The following PHIP variants were observed in gnomAD, a reference collection of about 807,000 sequenced individuals.
PHIP encodes the protein PHIP subunit of CUL4-Ring ligase complex, also known as PH-interacting protein.
PHIP carries 54 observed loss-of-function variants against 236.8 expected under a neutral mutation model. The observed-to-expected ratio is 0.23, with a 90% CI of 0.18 to 0.29. The LOEUF (loss-of-function observed/expected upper bound fraction) is 0.29. Among genes scored for constraint, PHIP ranks in the 10% least tolerant of loss-of-function variants. The probability of loss-of-function intolerance (pLI) is 1.00; values close to 1 mark genes in which losing one functional copy is unlikely to be tolerated. For synonymous variants in PHIP, 756 were observed against 718.9 expected, an observed-to-expected ratio of 1.05 and a Z score of -0.83; for missense variants, 1,370 against 2,190.8, an observed-to-expected ratio of 0.63 and a Z score of 7.48.
intron 15 of PHIP, among the ~76,000 whole-genome samples, chr6:79,004,760 A>C (rs1302751569): frequency 1.3e-5 from 2 of 152,084 alleles, no homozygotes; most frequent in Admixed American, 6.6e-5. Context: ...ATTGAGCTTT[A>C]TTAGTAATAT....
Position 78,955,242 on chromosome 6 carries a change from C to G in PHIP, c.3893G>C (p.Arg1298Pro). The change falls in exon 34 of 40, where the codon CGA becomes CCA. Residue 1298 changes from arginine to proline, a missense_variant. This residue lies in a region of PHIP where 125 missense variants were observed against 235.1 expected (regional missense o/e 0.53). Transcript: ENST00000275034. ...KDADVPGTSTRKRKDHQPRRR... is the reference protein window; with the variant it reads ...KDADVPGTSTPKRKDHQPRRR... ...CTAAAACTATATTACCTTCCTTTTT[C>G]GAGTAGAAGTTCCTGGCACATCAGC... 1 of 1,605,936 alleles carries G rather than the reference C, an allele frequency of 6.2e-7. No individual in the cohort carries two copies. The highest frequency in any genetic ancestry group is 8.5e-7 in the Non-Finnish European group (1 of 1,174,658).
chr6:78,990,327 C>T (rs1453769420), intron 20 of PHIP, among the ~76,000 whole-genome samples: 1 of 152,162 alleles, frequency 6.6e-6, no homozygotes, highest in East Asian at 1.9e-4. Context: ...GTACGTATCT[C>T]TCTCAATTAG....
At chr6:78,996,074 G>C (rs1288292640) in intron 19 of PHIP, among the ~76,000 whole-genome samples, 2 of 152,202 alleles carry the variant, frequency 1.3e-5, no homozygotes, top group African/African-American at 4.8e-5. Context: ...TCCCTTCCAT[G>C]TGCAGGAGCC....
chr6:78,946,728 G>T lies in PHIP; in HGVS notation c.4353C>A (p.Ser1451=). The T allele has an allele frequency of 6.3e-7, 1 of 1,576,130 alleles. No homozygotes were observed. The change falls in exon 37 of 40, where the codon TCC becomes TCA. Residue 1451 remains serine (S), a synonymous_variant. Transcript: ENST00000275034. ...RKKRNRSSSV[S]SSAASSPERK... is the part of the protein sequence containing the mutation. ...TTAAATACCTTGATGCAGCACTACTGGAAACAGAGCTGCTTCTGTTTCTTT... is the reference window on the plus strand; with the variant it reads ...TTAAATACCTTGATGCAGCACTACTTGAAACAGAGCTGCTTCTGTTTCTTT...
chr6:78,947,845 C>A, intron 35 of PHIP, 70 bp from the exon 36 acceptor site: 1 of 1,066,454 alleles, frequency 9.4e-7, no homozygotes, highest in South Asian at 1.6e-5. Flanking sequence ...TGCAGGGATT[C>A]GCACAGGATT....
At chr6:79,020,562 C>T (rs1771065610) in intron 9 of PHIP, among the ~76,000 whole-genome samples, 1 of 152,074 alleles carries the variant, frequency 6.6e-6, no homozygotes, top group Non-Finnish European at 1.5e-5. Context: ...ATTTTTGGTA[C>T]ATCTGCTCAC....
rs1203129816 is a variant in PHIP at position 78,937,375 on chromosome 6, GAT to G, written c.*3316_*3317del. The G allele has an allele frequency of 6.6e-6, 1 of 151,598 alleles. No individual in the cohort carries two copies. Among genetic ancestry groups the G allele is most frequent in the Non-Finnish European group, 1.5e-5 (1 of 67,608 alleles). The allele number at this position is 151,598 out of a possible 1,614,324, so 9.4% of individuals were successfully genotyped here. A position where few individuals can be genotyped will look rare whatever the true frequency, so the allele number is the denominator to read the frequency against. Reference sequence around the variant, plus strand: ...ACATGTAAATGCTGCTAACATATAAGATAAAAATATTTGAATACATTTCTTAA... The same window carrying G: ...ACATGTAAATGCTGCTAACATATAAGAAAAATATTTGAATACATTTCTTAA... On this transcript the variant is annotated 3_prime_UTR_variant, in exon 40 of 40. Coordinates refer to ENST00000275034, the MANE Select transcript of PHIP (RefSeq NM_017934.7).
At position 79,077,466 on chromosome 6, in the gene PHIP, G is replaced by C. The variant is rs1774230758; in HGVS notation, c.171C>G (p.Pro57=). 3 of 1,587,900 alleles carry C rather than the reference G, an allele frequency of 1.9e-6. No homozygotes were observed. Among genetic ancestry groups the C allele is most frequent in the Non-Finnish European group, 2.6e-6 (3 of 1,166,160 alleles). Residue 57 remains proline (P), a synonymous_variant, in exon 4 of 40, where the codon CCC becomes CCG. Coordinates refer to ENST00000275034, the MANE Select transcript of PHIP (RefSeq NM_017934.7). ...RRTDWTGKEH[P]RTYQNLVKYY... Reference sequence around the variant, plus strand: ...GTCTCACCAGATTCTGGTAGGTCCTGGGATGCTCCTTCCCGGTCCAGTCGG... The same window carrying C: ...GTCTCACCAGATTCTGGTAGGTCCTCGGATGCTCCTTCCCGGTCCAGTCGG...
intron 10 of PHIP, among the ~76,000 whole-genome samples, chr6:79,018,193 TA>T (rs893242186): frequency 2.6e-5 from 4 of 151,982 alleles, no homozygotes; most frequent in African/African-American, 9.6e-5. Flanking sequence ...ACTAACCCCT[TA>T]AAAAAATCAA....
chr6:79,004,262 TCATTGCTCAAATG>T, intron 15 of PHIP: 2 of 295,066 alleles, frequency 6.8e-6, no homozygotes, highest in Non-Finnish European at 1.0e-5. Context: ...TAGCCAGAGA[TCATTGCTCAAATG>T]ACACTAGATT....
Position 79,060,475 on chromosome 6 carries a change from C to T in PHIP, c.439+3G>A, listed in dbSNP as rs781029001. Reference sequence around the variant, plus strand: ...TAACTACTAGTGAACTCAAACAACTCACCAATGCTGGGTGGGCTACCATAG... The same window carrying T: ...TAACTACTAGTGAACTCAAACAACTTACCAATGCTGGGTGGGCTACCATAG... On this transcript the variant is annotated splice_donor_region_variant and intron_variant, in intron 6 of 39. Transcript: ENST00000275034. The T allele has an allele frequency of 5.0e-6, 8 of 1,607,096 alleles. No individual in the cohort carries two copies. Among genetic ancestry groups the T allele is most frequent in the South Asian group, 1.1e-5 (1 of 90,188 alleles).
intron 15 of PHIP, among the ~76,000 whole-genome samples, chr6:79,010,993 C>T (rs1770546290): frequency 6.6e-6 from 1 of 152,008 alleles, no homozygotes; most frequent in South Asian, 2.1e-4. Context: ...AGGCCCTCAG[C>T]TTCAGTCCTG....
intron 6 of PHIP, among the ~76,000 whole-genome samples, chr6:79,044,936 A>G (rs1379011455): frequency 6.6e-6 from 1 of 152,062 alleles, no homozygotes; most frequent in African/African-American, 2.4e-5. Context: ...GATTAAATCT[A>G]TTTTCATTTT....
intron 28 of PHIP, 44 bp from the exon 29 acceptor site, chr6:78,965,808 G>A: frequency 8.1e-7 from 1 of 1,227,428 alleles, no homozygotes; most frequent in African/African-American, 1.5e-5. Flanking sequence ...CTAAATTATT[G>A]TATCACAATT....
chr6:79,076,692 A>G (rs1774178177), intron 4 of PHIP, among the ~76,000 whole-genome samples: 1 of 152,156 alleles, frequency 6.6e-6, no homozygotes, highest in Non-Finnish European at 1.5e-5. Context: ...ACAAAAATCA[A>G]AACTCTTCAG....
At chr6:78,997,160 C>A (rs1473883544) in intron 19 of PHIP, among the ~76,000 whole-genome samples, 2 of 151,840 alleles carry the variant, frequency 1.3e-5, no homozygotes, top group Admixed American at 1.3e-4. Context: ...TCAATAAAAC[C>A]TCCTATTTGG....
In PHIP at chr6:79,078,085, A is replaced by AGGGCCGCCGACGGGACACC; in HGVS notation, c.-36_-18dup. 6.2e-7 allele frequency: 1 copy of AGGGCCGCCGACGGGACACC among 1,606,392 alleles called. No homozygotes were observed. The highest frequency in any genetic ancestry group is 8.5e-7 in the Non-Finnish European group (1 of 1,178,116). Reference sequence around the variant, plus strand: ...ACAAGACATGTTTATGGGTCACTTCAGGGCCGCCGACGGGACACCCCGCCG... The same window carrying AGGGCCGCCGACGGGACACC: ...ACAAGACATGTTTATGGGTCACTTCAGGGCCGCCGACGGGACACCGGGCCGCCGACGGGACACCCCGCCG... On this transcript the variant is annotated 5_prime_UTR_variant, in exon 1 of 40. Transcript: ENST00000275034.
At chr6:78,964,937 G>A (rs1767036647) in intron 29 of PHIP, among the ~76,000 whole-genome samples, 2 of 152,160 alleles carry the variant, frequency 1.3e-5, no homozygotes, top group African/African-American at 4.8e-5. Context: ...AATTGTGCAT[G>A]TGTGTTGTAT....
In PHIP at chr6:79,050,228, C is replaced by T. The variant is rs578027499; in HGVS notation, c.440-7225G>A. ...AAAAGGCTACAGAACACTCTTACGA[C>T]GTGTAGCAAATTTAGAGAATAACAG... On this transcript the variant is annotated intron_variant, in intron 6 of 39. Transcript: ENST00000275034. Among the ~76,000 whole-genome samples, 14 of 152,192 alleles carry T rather than the reference C, an allele frequency of 9.2e-5. No individual in the cohort carries two copies. The East Asian group carries it at 1.7e-3, about 19-fold the overall frequency.
Sources: allele counts gnomAD v4.1 joint callset (sites outside exome capture counted in the v4.1 genomes callset), GRCh38; gene constraint gnomAD v4.1.1; regional missense constraint gnomAD v4.1.1; transcripts MANE v1.5; gene names NCBI Gene and HGNC (gene_info 2026-07-23, HGNC 2026-07-21).